APPBP2: variants seen among roughly 807,000 people sequenced by gnomAD.
The protein encoded by APPBP2 is amyloid beta precursor protein binding protein 2, also known as amyloid protein-binding protein 2.
A neutral mutation model predicts 76.0 loss-of-function variants in APPBP2; 15 were observed. The observed-to-expected ratio is 0.20, with a 90% CI of 0.13 to 0.30. The LOEUF is 0.30. APPBP2 is among the 10% of genes least tolerant of loss of function. The pLI is 1.00. For missense variants in APPBP2, 401 were observed against 687.2 expected (o/e 0.58, Z 4.66); for synonymous variants, 222 against 242.2 (o/e 0.92, Z 0.77).
chr17:60,456,049 A>G (rs562221698), intron 10 of APPBP2, among the ~76,000 whole-genome samples: 118 of 152,318 alleles, frequency 7.7e-4, no homozygotes, highest in South Asian at 1.9e-3. Context: ...AAGTGCTGGG[A>G]TTACAGGCAT....
intron 1 of APPBP2, chr17:60,513,581 G>A (rs1011202743): frequency 2.0e-5 from 8 of 404,976 alleles, no homozygotes; most frequent in African/African-American, 1.5e-4. Context: ...TTATTTTGAG[G>A]GCGGGCACGG....
At chr17:60,520,077 C>T (rs2090996427) in intron 1 of APPBP2, among the ~76,000 whole-genome samples, 1 of 152,034 alleles carries the variant, frequency 6.6e-6, no homozygotes, top group African/African-American at 2.4e-5. Context: ...AGCCACCATG[C>T]CCGGCCATCA....
intron 3 of APPBP2, among the ~76,000 whole-genome samples, chr17:60,479,972 T>C (rs2090617275): frequency 6.6e-6 from 1 of 152,102 alleles, no homozygotes; most frequent in Non-Finnish European, 1.5e-5. Context: ...TATAATCCAG[T>C]AAGTGAAAAG....
chr17:60,505,786 C>T (rs1238132916), intron 1 of APPBP2, among the ~76,000 whole-genome samples: 3 of 144,284 alleles, frequency 2.1e-5, no homozygotes, highest in South Asian at 2.2e-4. Context: ...CGGGTTCAAG[C>T]AATTCTCATG....
intron 12 of APPBP2, 29 bp downstream of exon 12, chr17:60,451,851 T>C: frequency 6.4e-7 from 1 of 1,572,372 alleles, no homozygotes; most frequent in Non-Finnish European, 8.7e-7. Flanking sequence ...TGTAATCAAC[T>C]GACTAAAGAA....
chr17:60,518,971 C>G (rs1030333262), intron 1 of APPBP2, among the ~76,000 whole-genome samples: 1 of 152,074 alleles, frequency 6.6e-6, no homozygotes, highest in Non-Finnish European at 1.5e-5. Flanking sequence ...CTTTTTCCCC[C>G]CCTTTGAGAC....
At chr17:60,485,038 G>C (rs1186446079) in intron 3 of APPBP2, among the ~76,000 whole-genome samples, 3 of 152,138 alleles carry the variant, frequency 2.0e-5, no homozygotes, top group Admixed American at 2.0e-4. Flanking sequence ...AACCAGCCTT[G>C]CATCCCAGGG....
chr17:60,502,674 G>C (rs1219002177), intron 1 of APPBP2, among the ~76,000 whole-genome samples: 1 of 146,394 alleles, frequency 6.8e-6, no homozygotes, highest in Non-Finnish European at 1.5e-5. Context: ...GGCCAACATG[G>C]AGAAATCCTG....
At position 60,462,081 on chromosome 17, in the gene APPBP2, T is replaced by A; in HGVS notation, c.763-20A>T. 2 of 1,589,058 alleles carry A rather than the reference T, an allele frequency of 1.3e-6. No homozygotes were observed. Among genetic ancestry groups the A allele is most frequent in the South Asian group, 2.2e-5 (2 of 90,576 alleles). On this transcript the variant is annotated intron_variant, in intron 6 of 12. Transcript: ENST00000083182. ...ACAAGCCTAAAGATAAAGTGAAAAA[T>A]GGTTAACTCTCAAACAGTTCATTAG...
intron 4 of APPBP2, among the ~76,000 whole-genome samples, chr17:60,471,037 T>C (rs1463235515): frequency 3.3e-5 from 5 of 152,010 alleles, no homozygotes; most frequent in Non-Finnish European, 7.4e-5. Context: ...CCTCAGATGA[T>C]CTCTCTGCCT....
chr17:60,489,454 C>A (rs1035525038), intron 3 of APPBP2, among the ~76,000 whole-genome samples: 9 of 151,108 alleles, frequency 6.0e-5, no homozygotes, highest in South Asian at 2.1e-4. Flanking sequence ...CTACTAAAAA[C>A]ACAAAAATTA....
chr17:60,462,989 C>A (rs2090487237), intron 6 of APPBP2, among the ~76,000 whole-genome samples: 1 of 150,080 alleles, frequency 6.7e-6, no homozygotes, highest in African/African-American at 2.4e-5. Flanking sequence ...AAATATAAAT[C>A]TTGCATAAAT....
chr17:60,500,560 A>T (rs1040510436), intron 1 of APPBP2, 73 bp from the exon 2 acceptor site: 2 of 1,047,254 alleles, frequency 1.9e-6, no homozygotes, highest in Non-Finnish European at 2.8e-6. Flanking sequence ...TATTTGATAA[A>T]TGTAATTTGA....
At chr17:60,456,228 CA>C in intron 10 of APPBP2, 67 bp downstream of exon 10, 1 of 1,093,680 alleles carries the variant, frequency 9.1e-7, no homozygotes, top group South Asian at 1.3e-5. Context: ...AGAAAATAAA[CA>C]AATACCCCTA....
chr17:60,472,974 T>C (rs1351903197), intron 4 of APPBP2, among the ~76,000 whole-genome samples: 1 of 152,204 alleles, frequency 6.6e-6, no homozygotes, highest in Non-Finnish European at 1.5e-5. Flanking sequence ...TTCCTTATTG[T>C]TAGTATTATT....
chr17:60,492,021 G>A (rs1398875231), intron 3 of APPBP2, among the ~76,000 whole-genome samples: 1 of 152,154 alleles, frequency 6.6e-6, no homozygotes, highest in Non-Finnish European at 1.5e-5. Flanking sequence ...CCCCCCTGCT[G>A]TGTGCAGACT....
chr17:60,495,790 A>G (rs8077431), intron 2 of APPBP2, among the ~76,000 whole-genome samples: 12,472 of 152,132 alleles, frequency 0.082, 1,686 homozygotes, highest in African/African-American at 0.28. Context: ...CTAGGTATAT[A>G]CTCAAGAGAA....
intron 3 of APPBP2, among the ~76,000 whole-genome samples, chr17:60,482,327 G>T (rs901527345): frequency 1.1e-4 from 16 of 151,880 alleles, no homozygotes; most frequent in African/African-American, 3.9e-4. Flanking sequence ...TTTTCCCTTT[G>T]AATAGCCTCA....
At chr17:60,494,988 T>TG (rs201553043) in intron 2 of APPBP2, among the ~76,000 whole-genome samples, 72 of 127,782 alleles carry the variant, frequency 5.6e-4, no homozygotes, top group Middle Eastern at 3.7e-3. Context: ...TGTTTTGTTT[T>TG]TTTTTTTTTT....
Sources: gnomAD v4.1 joint callset for allele counts (sites outside exome capture counted in the v4.1 genomes callset) on GRCh38, gnomAD v4.1.1 for gene constraint, MANE v1.5 for transcripts, NCBI Gene and HGNC (gene_info 2026-07-23, HGNC 2026-07-21) for gene names.